FGD6: variants seen among roughly 807,000 people sequenced by gnomAD.
The protein encoded by FGD6 is FYVE, RhoGEF and PH domain-containing protein 6.
A neutral mutation model predicts 149.4 loss-of-function variants in FGD6; 90 were observed. The observed-to-expected ratio is 0.60, with a 90% CI of 0.51 to 0.72. The LOEUF (loss-of-function observed/expected upper bound fraction) is 0.72. FGD6 is among the 30% of genes least tolerant of loss of function. The pLI is 0.00. For synonymous variants in FGD6, 527 were observed against 584.0 expected, an observed-to-expected ratio of 0.90 and a Z score of 1.41; for missense variants, 1,437 against 1,684.8, an observed-to-expected ratio of 0.85 and a Z score of 2.57.
Position 95,172,663 on chromosome 12 carries a change from A to G in FGD6, c.2523T>C (p.Ser841=). 6.2e-7 allele frequency: 1 copy of G among 1,613,464 alleles called. No individual in the cohort carries two copies. Among genetic ancestry groups the G allele is most frequent in the Non-Finnish European group, 8.5e-7 (1 of 1,179,654 alleles). Residue 841 remains serine (S), a synonymous_variant, in exon 3 of 21, where the codon TCT becomes TCC. Transcript: ENST00000343958. The stretch of plus-strand genomic sequence containing the variant: ...ACTCAGAGCTGACATCATCTTCATC[A>G]GAACTGTTGATGATTTCCTCCTCAT... ...PSDEEEIINS[S]DEDDVSSESS... is the part of the protein sequence containing the mutation.
chr12:95,187,023 T>C (rs1448601723), intron 2 of FGD6, among the ~76,000 whole-genome samples: 1 of 152,098 alleles, frequency 6.6e-6, no homozygotes, highest in East Asian at 1.9e-4. Context: ...TACTTAAAAG[T>C]CTAGAACTGT....
At chr12:95,120,301 C>A (rs1039850515) in intron 8 of FGD6, among the ~76,000 whole-genome samples, 1 of 151,088 alleles carries the variant, frequency 6.6e-6, no homozygotes, top group African/African-American at 2.4e-5. Context: ...AGATTCTTTT[C>A]TTGGGATCAG....
chr12:95,168,153 C>T (rs946345543), intron 3 of FGD6, among the ~76,000 whole-genome samples: 3 of 152,084 alleles, frequency 2.0e-5, no homozygotes, highest in Non-Finnish European at 4.4e-5. Context: ...CAAGGTCATA[C>T]AGTTAGTAAG....
At chr12:95,142,710 G>A (rs889011895) in intron 5 of FGD6, among the ~76,000 whole-genome samples, 1 of 152,184 alleles carries the variant, frequency 6.6e-6, no homozygotes, top group Non-Finnish European at 1.5e-5. Flanking sequence ...ATTAGATATT[G>A]CACATAAAAC....
intron 18 of FGD6, among the ~76,000 whole-genome samples, chr12:95,088,435 TGA>T (rs1333920176): frequency 1.3e-5 from 2 of 152,306 alleles, no homozygotes; most frequent in Non-Finnish European, 2.9e-5. Flanking sequence ...CTGCCATTAC[TGA>T]GAGTACTGAG....
chr12:95,083,030 T>TATATATATACACACACACACACACACAC (rs772685891), intron 20 of FGD6, among the ~76,000 whole-genome samples: 1 of 56,596 alleles, frequency 1.8e-5, no homozygotes, highest in Non-Finnish European at 3.3e-5. Context: ...TATATATATA[T>TATATATATACACACACACACACACACAC]ACACACACAT....
chr12:95,181,744 G>A (rs1592866389), intron 2 of FGD6, among the ~76,000 whole-genome samples: 1 of 152,118 alleles, frequency 6.6e-6, no homozygotes, highest in East Asian at 1.9e-4. Flanking sequence ...ACAAGGTCAG[G>A]AGATCAAGAC....
chr12:95,198,565 G>C (rs566235707), intron 2 of FGD6, among the ~76,000 whole-genome samples: 27 of 152,040 alleles, frequency 1.8e-4, no homozygotes, highest in South Asian at 6.2e-4. Context: ...TCAGCCTCCC[G>C]AGTAGCTAGG....
intron 17 of FGD6, among the ~76,000 whole-genome samples, chr12:95,090,948 A>G (rs1878034727): frequency 6.6e-6 from 1 of 152,148 alleles, no homozygotes; most frequent in African/African-American, 2.4e-5. Context: ...ACTAAAATAC[A>G]AAAATTAGCC....
chr12:95,189,362 A>G (rs1446255651), intron 2 of FGD6: 2 of 152,256 alleles, frequency 1.3e-5, no homozygotes, highest in Non-Finnish European at 2.9e-5. Flanking sequence ...TCAAGAGTCA[A>G]TCTAGCTGGG....
At chr12:95,092,570 A>C in intron 16 of FGD6, 129 bp downstream of exon 16, 6 of 980,056 alleles carry the variant, frequency 6.1e-6, no homozygotes, top group Non-Finnish European at 8.5e-6. Flanking sequence ...GCTACCATTA[A>C]CATAATAATA....
chr12:95,154,306 C>G (rs996624066), intron 3 of FGD6, among the ~76,000 whole-genome samples: 1 of 151,854 alleles, frequency 6.6e-6, no homozygotes, highest in African/African-American at 2.4e-5. Context: ...ACTAAATGCC[C>G]TAGCAGGAAC....
chr12:95,095,874 T>C (rs1200482027), intron 14 of FGD6, among the ~76,000 whole-genome samples: 1 of 151,564 alleles, frequency 6.6e-6, no homozygotes, highest in Admixed American at 6.6e-5. Context: ...GTTAGCCGGG[T>C]GTGGTGGTGC....
chr12:95,176,871 C>T (rs539100304), intron 2 of FGD6, among the ~76,000 whole-genome samples: 32 of 152,220 alleles, frequency 2.1e-4, no homozygotes, highest in Admixed American at 5.2e-4. Context: ...CTCTGTCACC[C>T]AGGCTGGAGT....
Position 95,077,568 on chromosome 12 carries a change from G to A in FGD6, c.*3952C>T, listed in dbSNP as rs893212710. ...AAAGCCACTGAGGCATGTAAAAGTG[G>A]GGATGAAACTAGATTAGAGCTATGT... is the stretch of plus-strand genomic sequence containing the variant. On this transcript the variant is annotated 3_prime_UTR_variant, in exon 21 of 21. Coordinates refer to ENST00000343958, the MANE Select transcript of FGD6 (RefSeq NM_018351.4). The A allele has an allele frequency of 1.3e-5, 2 of 152,238 alleles. No homozygotes were observed. The highest frequency in any genetic ancestry group is 4.8e-5 in the African/African-American group (2 of 41,464). The allele number at this position is 152,238 out of a possible 1,614,324, so 9.4% of individuals were successfully genotyped here.
At position 95,148,721 on chromosome 12, in the gene FGD6, TATATTAC is replaced by T. The variant is rs1565908294; in HGVS notation, c.2685+4083_2685+4089del. Reference sequence around the variant, plus strand: ...ATATTATATAATACATAGCATATGTTATATTACATATATTATATATTATATAATACAT... The same window carrying T: ...ATATTATATAATACATAGCATATGTTATATATTATATATTATATAATACAT... On this transcript the variant is annotated intron_variant, in intron 5 of 20. Transcript: ENST00000343958. Among the ~76,000 whole-genome samples, 37 of 89,050 alleles carry T rather than the reference TATATTAC, an allele frequency of 4.2e-4. 1 individual carries two copies. The highest frequency in any genetic ancestry group is 1.7e-3 in the African/African-American group (34 of 19,482). The allele number at this position is 89,050 out of a possible 152,430, so 58.4% of individuals were successfully genotyped here.
At chr12:95,099,307 T>G (rs764691294) in intron 14 of FGD6, among the ~76,000 whole-genome samples, 1 of 152,188 alleles carries the variant, frequency 6.6e-6, no homozygotes, top group Non-Finnish European at 1.5e-5. Context: ...GGAAGGCAGA[T>G]GGCTGTGGAG....
chr12:95,081,721 G>A (rs1000480949), intron 20 of FGD6, among the ~76,000 whole-genome samples, 165 bp from the exon 21 acceptor site: 5 of 137,702 alleles, frequency 3.6e-5, no homozygotes, highest in East Asian at 4.2e-4. Flanking sequence ...TTTTGCTCTC[G>A]TTGCTCAGGC....
chr12:95,191,883 C>A (rs113126594), intron 2 of FGD6, among the ~76,000 whole-genome samples: 64 of 152,180 alleles, frequency 4.2e-4, no homozygotes, highest in African/African-American at 1.3e-3. Context: ...TTATAGGCAC[C>A]CGCCACCACG....
Sources: gnomAD v4.1 joint callset for allele counts (sites outside exome capture counted in the v4.1 genomes callset) on GRCh38, gnomAD v4.1.1 for gene constraint, MANE v1.5 for transcripts, NCBI Gene and HGNC (gene_info 2026-07-23, HGNC 2026-07-21) for gene names.